PCDH11X: variants seen among roughly 807,000 people sequenced by gnomAD.
The protein encoded by PCDH11X is protocadherin 11 X-linked.
Under a neutral mutation model 53.3 loss-of-function variants are expected in PCDH11X, and 18 were observed. The ratio of observed to expected loss-of-function variants is 0.34; its 90% CI spans 0.23 to 0.50. The LOEUF (loss-of-function observed/expected upper bound fraction) is 0.50. Ranked by LOEUF, PCDH11X falls within the 20% of genes least tolerant of loss-of-function variation. PCDH11X has a pLI of 0.98. For synonymous variants in PCDH11X, 279 were observed against 393.3 expected (o/e 0.71, Z 3.44); for missense variants, 570 against 1,032.4 (o/e 0.55, Z 6.14).
At chrX:92,616,676 GT>G (rs948597270) in intron 10 of PCDH11X, among the ~76,000 whole-genome samples, 2 of 109,074 alleles carry the variant, frequency 1.8e-5, no homozygotes, top group East Asian at 5.8e-4. Flanking sequence ...CCACAAATAG[GT>G]TTTTTTTAAT....
At chrX:92,445,636 G>T (rs1288289627) in intron 9 of PCDH11X, among the ~76,000 whole-genome samples, 5 of 108,927 alleles carry the variant, frequency 4.6e-5, no homozygotes, top group Admixed American at 2.0e-4. Flanking sequence ...GTCTAAAACC[G>T]ATTTTAAAAC....
At chrX:92,479,173 G>T (rs1382582991) in intron 10 of PCDH11X, among the ~76,000 whole-genome samples, 1 of 110,241 alleles carries the variant, frequency 9.1e-6, no homozygotes, top group African/African-American at 3.3e-5. Context: ...TCTGAAATTA[G>T]GATTGAAATC....
rs756544329 is a variant in PCDH11X at position 92,555,124 on chromosome X, G to A, written c.3368-63140G>A. Among the ~76,000 whole-genome samples, 244 of 111,350 alleles carry A rather than the reference G, an allele frequency of 2.2e-3. 1 individual carries two copies. Among genetic ancestry groups the A allele is most frequent in the African/African-American group, 7.7e-3 (235 of 30,684 alleles). On this transcript the variant is annotated intron_variant, in intron 10 of 10. Transcript: ENST00000682573. ...GAACCTCATAACTTTTAAAATGCAT[G>A]CTGAATAATAGTATCAGAAAGAATC... is the stretch of plus-strand genomic sequence containing the variant.
chrX:92,618,536 A>G lies in PCDH11X; in HGVS notation c.3640A>G (p.Ile1214Val). Residue 1214 changes from isoleucine to valine, a missense_variant, in exon 11 of 11, where the codon ATA becomes GTA. Ile to Val is a conservative substitution (Grantham distance 29, BLOSUM62 3). Transcript: ENST00000682573. ...TIALCHSPPP[I>V]QVSALHHSPP... ...CGCATTGTGCCACAGCCCACCACCG[A>G]TACAGGTGTCTGCTCTCCACCACAG... The G allele has an allele frequency of 8.3e-7, 1 of 1,211,194 alleles. No individual in the cohort carries two copies. Among genetic ancestry groups the G allele is most frequent in the South Asian group, 1.8e-5 (1 of 56,913 alleles).
intron 9 of PCDH11X, chrX:92,420,639 T>C: frequency 4.4e-6 from 1 of 228,941 alleles, no homozygotes; most frequent in South Asian, 6.4e-5. Context: ...TTTTCTGGCC[T>C]TCATGGCTTT....
chrX:91,939,725 T>C, intron 6 of PCDH11X, among the ~76,000 whole-genome samples: 1 of 110,397 alleles, frequency 9.1e-6, no homozygotes, highest in Non-Finnish European at 1.9e-5. Flanking sequence ...AAAAAAAGTC[T>C]ACCTAGAATT....
intron 8 of PCDH11X, among the ~76,000 whole-genome samples, chrX:92,324,687 AC>A (rs1028171105): frequency 1.0e-5 from 1 of 96,354 alleles, no homozygotes; most frequent in African/African-American, 3.9e-5. Flanking sequence ...CTCTTAAAAA[AC>A]TTTTATTTTC....
At chrX:92,582,354 C>T (rs1923821179) in intron 10 of PCDH11X, among the ~76,000 whole-genome samples, 1 of 110,136 alleles carries the variant, frequency 9.1e-6, no homozygotes, top group Non-Finnish European at 1.9e-5. Context: ...TTCTCTGTGT[C>T]CCAGCTGCTC....
intron 6 of PCDH11X, among the ~76,000 whole-genome samples, chrX:92,130,882 C>T (rs2760028): frequency 9.2e-6 from 1 of 109,187 alleles, no homozygotes. Flanking sequence ...GTAGGTACAA[C>T]GACCTAGAAA....
intron 6 of PCDH11X, among the ~76,000 whole-genome samples, chrX:91,967,947 T>A (rs1193184244): frequency 9.0e-6 from 1 of 111,267 alleles, no homozygotes; most frequent in Non-Finnish European, 1.9e-5. Context: ...AAATTTATAC[T>A]CAGAGATTTA....
At chrX:91,832,489 G>C (rs1937144568) in intron 4 of PCDH11X, among the ~76,000 whole-genome samples, 1 of 77,174 alleles carries the variant, frequency 1.3e-5, no homozygotes, top group Admixed American at 1.7e-4. Flanking sequence ...ATCGGGGCCT[G>C]TTGTGGGGTG....
chrX:92,121,152 T>C (rs1311260084), intron 6 of PCDH11X, among the ~76,000 whole-genome samples: 1 of 106,790 alleles, frequency 9.4e-6, no homozygotes, highest in Non-Finnish European at 1.9e-5. Flanking sequence ...GTTTTGTTTT[T>C]TGTCTTTTTT....
chrX:91,911,872 G>A (rs1389066718), intron 6 of PCDH11X, among the ~76,000 whole-genome samples: 5 of 110,572 alleles, frequency 4.5e-5, no homozygotes, highest in Non-Finnish European at 1.9e-5. Context: ...GATTTCTATG[G>A]GTGGTATGGA....
intron 6 of PCDH11X, among the ~76,000 whole-genome samples, chrX:92,085,525 T>A (rs998238780): frequency 9.5e-6 from 1 of 104,829 alleles, no homozygotes; most frequent in Non-Finnish European, 1.9e-5. Context: ...GCTGCCTGTG[T>A]TTTTTCACCC....
chrX:92,361,350 C>T (rs1053709950), intron 8 of PCDH11X, among the ~76,000 whole-genome samples: 1 of 111,391 alleles, frequency 9.0e-6, no homozygotes, highest in Non-Finnish European at 1.9e-5. Flanking sequence ...CTAAGCCCTA[C>T]TTTTTCTTCA....
intron 6 of PCDH11X, among the ~76,000 whole-genome samples, chrX:91,998,509 A>AT (rs2062456157): frequency 9.1e-6 from 1 of 109,907 alleles, no homozygotes; most frequent in Non-Finnish European, 1.9e-5. Flanking sequence ...TGCAAAAAAA[A>AT]AAATCCTCTT....
chrX:92,063,534 C>T (rs1363201559), intron 6 of PCDH11X, among the ~76,000 whole-genome samples: 1 of 111,052 alleles, frequency 9.0e-6, no homozygotes, highest in Non-Finnish European at 1.9e-5. Flanking sequence ...TATATCCACA[C>T]TCTGAATTCT....
chrX:92,054,923 G>A (rs1236356610), intron 6 of PCDH11X, among the ~76,000 whole-genome samples: 1 of 96,460 alleles, frequency 1.0e-5, no homozygotes, highest in Non-Finnish European at 2.1e-5. Context: ...TGTGACAATC[G>A]TTGAAGGAAA....
At chrX:92,478,163 C>T (rs1160008700) in intron 10 of PCDH11X, among the ~76,000 whole-genome samples, 1 of 111,395 alleles carries the variant, frequency 9.0e-6, no homozygotes, top group Admixed American at 9.6e-5. Context: ...TTGCCTTCTG[C>T]TATGATTATA....
Sources: allele counts gnomAD v4.1 joint callset (sites outside exome capture counted in the v4.1 genomes callset), GRCh38; gene constraint gnomAD v4.1.1; transcripts MANE v1.5; gene names NCBI Gene and HGNC (gene_info 2026-07-23, HGNC 2026-07-21).